The following CHURC1 variants were observed in gnomAD, a reference collection of about 807,000 sequenced individuals.
CHURC1 encodes protein Churchill.
Under a neutral mutation model 15.4 loss-of-function variants are expected in CHURC1, and 12 were observed. The ratio of observed to expected loss-of-function variants is 0.78; its 90% CI spans 0.50 to 1.27. CHURC1 has a LOEUF of 1.27. CHURC1 is among the 50% of genes most tolerant of loss of function. The probability of loss-of-function intolerance (pLI) is 0.00; values close to 1 mark genes in which losing one functional copy is unlikely to be tolerated. For missense variants in CHURC1, 132 were observed against 137.8 expected, an observed-to-expected ratio of 0.96 and a Z score of 0.21; for synonymous variants, 42 against 47.5, an observed-to-expected ratio of 0.88 and a Z score of 0.48.
chr14:64,929,320 T>C (rs963809140), intron 3 of CHURC1, among the ~76,000 whole-genome samples: 1 of 152,196 alleles, frequency 6.6e-6, no homozygotes, highest in Non-Finnish European at 1.5e-5. Context: ...TCTTTCTGCC[T>C]GAACTCAAAT....
chr14:64,931,044 C>T, intron 3 of CHURC1: 1 of 262,652 alleles, frequency 3.8e-6, no homozygotes, highest in Non-Finnish European at 7.6e-6. Context: ...CTGTCTAAAC[C>T]TAAGAAACAC....
Position 64,914,555 on chromosome 14 carries a change from T to C in CHURC1, c.39+21T>C, listed in dbSNP as rs2139868677. The C allele has an allele frequency of 1.9e-6, 3 of 1,614,052 alleles. No homozygotes were observed. The East Asian group carries it at 6.7e-5, about 36-fold the overall frequency. ...ACCGGGTGAGCGACTGGGCGCTCCC[T>C]TGGCCCGCGGGCGGCCCCCGAGGTG... On this transcript the variant is annotated intron_variant, in intron 1 of 3. Transcript: ENST00000549115.
intron 1 of CHURC1, among the ~76,000 whole-genome samples, chr14:64,921,373 T>G (rs1012769280): frequency 1.3e-5 from 2 of 152,138 alleles, no homozygotes; most frequent in African/African-American, 4.8e-5. Flanking sequence ...ACTTGTTTGC[T>G]CATTAGAAGA....
chr14:64,927,702 C>A (rs1884804773), intron 3 of CHURC1, among the ~76,000 whole-genome samples: 1 of 100,138 alleles, frequency 1.0e-5, no homozygotes, highest in Non-Finnish European at 2.0e-5. Context: ...TACTCCCAGT[C>A]TACTTCTCCC....
intron 1 of CHURC1, among the ~76,000 whole-genome samples, chr14:64,919,795 A>C (rs1019348815): frequency 6.6e-6 from 1 of 152,008 alleles, no homozygotes; most frequent in African/African-American, 2.4e-5. Flanking sequence ...GAAGTGAGAC[A>C]ATCACTTGAA....
At position 64,914,546 on chromosome 14, in the gene CHURC1, G is replaced by A; in HGVS notation, c.39+12G>A. On this transcript the variant is annotated intron_variant, in intron 1 of 3. Transcript: ENST00000549115. Reference sequence around the variant, plus strand: ...AATATCCCAACCGGGTGAGCGACTGGGCGCTCCCTTGGCCCGCGGGCGGCC... The same window carrying A: ...AATATCCCAACCGGGTGAGCGACTGAGCGCTCCCTTGGCCCGCGGGCGGCC... 6.2e-7 allele frequency: 1 copy of A among 1,614,192 alleles called. No individual in the cohort carries two copies. The highest frequency in any genetic ancestry group is 8.5e-7 in the Non-Finnish European group (1 of 1,180,006).
intron 3 of CHURC1, among the ~76,000 whole-genome samples, chr14:64,927,267 T>C (rs1013166552): frequency 8.5e-5 from 13 of 152,180 alleles, no homozygotes; most frequent in Non-Finnish European, 1.9e-4. Flanking sequence ...TTCTTCAGCA[T>C]CCAAAAATTA....
Position 64,934,689 on chromosome 14 carries a change from A to G in CHURC1, c.*2459A>G, listed in dbSNP as rs531523269. 1.0e-6 allele frequency: 1 copy of G among 985,458 alleles called. No individual in the cohort carries two copies. The highest frequency in any genetic ancestry group is 1.1e-4 in the East Asian group (1 of 8,818). The allele number at this position is 985,458 out of a possible 1,614,324, so 61.0% of individuals were successfully genotyped here. Reference sequence around the variant, plus strand: ...ATCCAGAAAGCAGAGAAAATGCTTCATTACTTTAAATAGCAGCATTAAGCC... The same window carrying G: ...ATCCAGAAAGCAGAGAAAATGCTTCGTTACTTTAAATAGCAGCATTAAGCC... On this transcript the variant is annotated 3_prime_UTR_variant, in exon 4 of 4. Coordinates refer to ENST00000549115, the MANE Select transcript of CHURC1 (RefSeq NM_001386928.1).
At chr14:64,918,492 C>T (rs1884049711) in intron 1 of CHURC1, among the ~76,000 whole-genome samples, 1 of 152,162 alleles carries the variant, frequency 6.6e-6, no homozygotes, top group Admixed American at 6.5e-5. Flanking sequence ...AAGCCCACTG[C>T]TTTGCTCAGC....
Position 64,933,295 on chromosome 14 carries a change from A to G in CHURC1, c.*1065A>G. The G allele has an allele frequency of 1.1e-6, 1 of 875,524 alleles. No individual in the cohort carries two copies. The highest frequency in any genetic ancestry group is 1.4e-6 in the Non-Finnish European group (1 of 729,522). 54.2% of individuals were successfully genotyped at this position (875,524 alleles called of 1,614,324 possible). On this transcript the variant is annotated 3_prime_UTR_variant, in exon 4 of 4. Transcript: ENST00000549115. ...TCCTACATGGAATTATATACCACGA[A>G]AAGAAAAAAAGGTCATTTGGTAGAA... is the stretch of plus-strand genomic sequence containing the variant.
chr14:64,930,588 A>G (rs576060451), intron 3 of CHURC1, among the ~76,000 whole-genome samples: 1 of 152,314 alleles, frequency 6.6e-6, no homozygotes, highest in Non-Finnish European at 1.5e-5. Flanking sequence ...GCCAGATTAT[A>G]TGTTAGGTTT....
rs1885236153 is a variant in CHURC1, at chr14:64,934,484, A to AAG, written c.*2257_*2258dup. 1.0e-6 allele frequency: 1 copy of AAG among 985,464 alleles called. No individual in the cohort carries two copies. 61.0% of individuals were successfully genotyped at this position (985,464 alleles called of 1,614,324 possible). A position where few individuals can be genotyped will look rare whatever the true frequency, so the allele number is the denominator to read the frequency against. ...AATACAAGGATCTGGCAAGGTTAGG[A>AAG]AGAGGTTAAGAATATCAGTGACAGT... On this transcript the variant is annotated 3_prime_UTR_variant, in exon 4 of 4. Transcript: ENST00000549115.
intron 1 of CHURC1, among the ~76,000 whole-genome samples, chr14:64,921,207 A>G (rs1884272035): frequency 6.6e-6 from 1 of 152,208 alleles, no homozygotes; most frequent in Non-Finnish European, 1.5e-5. Context: ...TTCAAAATGG[A>G]TTATAAACCT....
intron 1 of CHURC1, among the ~76,000 whole-genome samples, chr14:64,915,718 A>G (rs1324038443): frequency 1.3e-5 from 2 of 152,250 alleles, no homozygotes; most frequent in African/African-American, 2.4e-5. Context: ...CTTATAAAAT[A>G]CAGACATGAC....
In CHURC1 at chr14:64,933,166, G is replaced by C. The variant is rs146891266; in HGVS notation, c.*936G>C. On this transcript the variant is annotated 3_prime_UTR_variant, in exon 4 of 4. Coordinates refer to ENST00000549115, the MANE Select transcript of CHURC1 (RefSeq NM_001386928.1). Reference sequence around the variant, plus strand: ...AAGCATTCTTTAAAATACCTAACCAGTACTTCTCAAAACTATCAAGGCCAT... The same window carrying C: ...AAGCATTCTTTAAAATACCTAACCACTACTTCTCAAAACTATCAAGGCCAT... 5.5e-3 allele frequency: 858 copies of C among 156,772 alleles called. 2 individuals carry two copies. The highest frequency in any genetic ancestry group is 8.6e-3 in the Non-Finnish European group (620 of 72,000). 9.7% of individuals were successfully genotyped at this position (156,772 alleles called of 1,614,324 possible).
chr14:64,928,294 A>G (rs958252228), intron 3 of CHURC1, among the ~76,000 whole-genome samples: 60 of 152,176 alleles, frequency 3.9e-4, no homozygotes, highest in African/African-American at 1.4e-3. Flanking sequence ...GCCGCCCAAG[A>G]TGGAGTGCAG....
chr14:64,921,058 G>A (rs2139887752), intron 1 of CHURC1, among the ~76,000 whole-genome samples: 1 of 152,238 alleles, frequency 6.6e-6, no homozygotes, highest in South Asian at 2.1e-4. Context: ...ACATATATAT[G>A]GTCATTGACT....
chr14:64,928,163 AG>A (rs1038287772), intron 3 of CHURC1, among the ~76,000 whole-genome samples: 2 of 152,096 alleles, frequency 1.3e-5, no homozygotes, highest in African/African-American at 4.8e-5. Context: ...GCATTTCCTC[AG>A]GAATCTCATG....
intron 1 of CHURC1, among the ~76,000 whole-genome samples, chr14:64,920,282 T>A (rs1884182322): frequency 6.6e-6 from 1 of 152,244 alleles, no homozygotes; most frequent in African/African-American, 2.4e-5. Context: ...TCAGATTTTC[T>A]AAGGGTACTA....
Sources: allele counts gnomAD v4.1 joint callset (sites outside exome capture counted in the v4.1 genomes callset), GRCh38; gene constraint gnomAD v4.1.1; transcripts MANE v1.5; gene names NCBI Gene and HGNC (gene_info 2026-07-23, HGNC 2026-07-21).